The following FSTL5 variants were observed in gnomAD, a reference collection of about 807,000 sequenced individuals.
The protein encoded by FSTL5 is follistatin like 5.
FSTL5 carries 62 observed loss-of-function variants against 89.1 expected under a neutral mutation model. The ratio of observed to expected loss-of-function variants is 0.70; its 90% confidence interval spans 0.57 to 0.86. The LOEUF is 0.86. FSTL5 is among the 40% of genes least tolerant of loss of function. The probability of loss-of-function intolerance (pLI) is 0.00; values close to 1 mark genes in which losing one functional copy is unlikely to be tolerated. For synonymous variants in FSTL5, 383 were observed against 346.2 expected (o/e 1.11, Z -1.18); for missense variants, 1,057 against 1,001.6 (o/e 1.06, Z -0.75).
At chr4:161,956,358 T>C (rs1735026249) in intron 3 of FSTL5, among the ~76,000 whole-genome samples, 1 of 151,780 alleles carries the variant, frequency 6.6e-6, no homozygotes, top group African/African-American at 2.4e-5. Flanking sequence ...GTATGACACA[T>C]AAAATGGCTT....
At chr4:161,813,306 A>G (rs893463153) in intron 4 of FSTL5, among the ~76,000 whole-genome samples, 7 of 152,134 alleles carry the variant, frequency 4.6e-5, no homozygotes, top group South Asian at 2.1e-4. Context: ...TGGGATTACA[A>G]GTGTGAGCCA....
chr4:161,923,277 G>A (rs1734040952), intron 3 of FSTL5, among the ~76,000 whole-genome samples: 1 of 142,470 alleles, frequency 7.0e-6, no homozygotes, highest in African/African-American at 2.6e-5. Context: ...AATAAACTCT[G>A]TTAAATTTAA....
chr4:162,072,810 T>C (rs187812449), intron 2 of FSTL5, among the ~76,000 whole-genome samples: 2 of 151,918 alleles, frequency 1.3e-5, no homozygotes, highest in South Asian at 2.1e-4. Context: ...AATTGACATA[T>C]AAATCGGTAG....
intron 3 of FSTL5, among the ~76,000 whole-genome samples, chr4:161,926,209 C>G (rs1358938581): frequency 6.6e-6 from 1 of 151,774 alleles, no homozygotes; most frequent in Admixed American, 6.6e-5. Context: ...CCTGCTGCTA[C>G]TTTGCAGTCG....
intron 3 of FSTL5, among the ~76,000 whole-genome samples, chr4:161,952,553 A>C (rs1476189454): frequency 6.6e-6 from 1 of 151,984 alleles, no homozygotes; most frequent in Non-Finnish European, 1.5e-5. Context: ...AAAAAGTGTA[A>C]GAAATCATGT....
At chr4:161,417,444 C>T (rs549594267) in intron 15 of FSTL5, among the ~76,000 whole-genome samples, 1 of 152,272 alleles carries the variant, frequency 6.6e-6, no homozygotes, top group South Asian at 2.1e-4. Flanking sequence ...TATAGAGTTG[C>T]TATTTTATTT....
intron 3 of FSTL5, among the ~76,000 whole-genome samples, chr4:161,948,985 T>C (rs1734815833): frequency 1.3e-5 from 2 of 152,130 alleles, no homozygotes; most frequent in Non-Finnish European, 2.9e-5. Flanking sequence ...TTTACTCTCC[T>C]ACAGCTCTGG....
chr4:161,897,419 A>C (rs1485314357), intron 4 of FSTL5, among the ~76,000 whole-genome samples: 1 of 151,476 alleles, frequency 6.6e-6, no homozygotes, highest in Non-Finnish European at 1.5e-5. Flanking sequence ...TTGCTTGATA[A>C]AATTTAATTC....
Position 161,789,580 on chromosome 4 carries a change from T to G in FSTL5, c.410-13506A>C, listed in dbSNP as rs572533799. ...CCACAATTATTTTTTCCATATACAT[T>G]TGTGGCTTTTTGCCTTCTTTGAGCT... On this transcript the variant is annotated intron_variant, in intron 4 of 15. Coordinates refer to ENST00000306100, the MANE Select transcript of FSTL5 (RefSeq NM_020116.5). 1.6e-4 allele frequency among the ~76,000 whole-genome samples: 24 copies of G among 152,312 alleles called. 1 individual carries two copies. The South Asian group carries it at 5.0e-3, about 32-fold the overall frequency.
chr4:161,682,191 A>G (rs909987882), intron 6 of FSTL5, among the ~76,000 whole-genome samples: 8 of 152,186 alleles, frequency 5.3e-5, no homozygotes, highest in Non-Finnish European at 7.4e-5. Context: ...TGCCCAACAG[A>G]AAGTTGCTCT....
rs771369601 is a variant in FSTL5, at chr4:162,111,256, G to C, written c.126+15C>G. On this transcript the variant is annotated intron_variant, in intron 2 of 15. Coordinates refer to ENST00000306100, the MANE Select transcript of FSTL5 (RefSeq NM_020116.5). ...TTGGCAGGCACTATGAGCAGATTCA[G>C]AATATTGACTGTACCTTATGTCGCA... 22 of 1,589,882 alleles carry C rather than the reference G, an allele frequency of 1.4e-5. No individual in the cohort carries two copies. Among genetic ancestry groups the C allele is most frequent in the Non-Finnish European group, 1.8e-5 (21 of 1,164,016 alleles).
chr4:161,744,196 C>G (rs1368708384), intron 6 of FSTL5, among the ~76,000 whole-genome samples: 2 of 151,970 alleles, frequency 1.3e-5, no homozygotes, highest in East Asian at 3.9e-4. Context: ...GAGCACATCA[C>G]TATGACGACT....
At chr4:162,021,201 TAGGCA>T (rs1405800589) in intron 3 of FSTL5, among the ~76,000 whole-genome samples, 5 of 152,118 alleles carry the variant, frequency 3.3e-5, no homozygotes, top group African/African-American at 9.7e-5. Flanking sequence ...TGGCTACTAC[TAGGCA>T]ACTGCAAATA....
chr4:162,146,749 C>CT (rs1348526427), intron 1 of FSTL5, among the ~76,000 whole-genome samples: 4 of 111,986 alleles, frequency 3.6e-5, no homozygotes, highest in Admixed American at 3.4e-4. Flanking sequence ...CTTTCTTTCT[C>CT]CTTTCTCTCT....
intron 15 of FSTL5, among the ~76,000 whole-genome samples, chr4:161,409,748 G>C (rs1731523683): frequency 6.6e-6 from 1 of 152,056 alleles, no homozygotes; most frequent in Admixed American, 6.6e-5. Flanking sequence ...GGATTCAAAA[G>C]AACAAACCTG....
intron 1 of FSTL5, among the ~76,000 whole-genome samples, chr4:162,141,087 G>A (rs1056974942): frequency 1.4e-5 from 2 of 148,064 alleles, no homozygotes; most frequent in East Asian, 4.1e-4. Flanking sequence ...TAAGAGTGTG[G>A]CACCTCCCTC....
chr4:161,928,490 C>T (rs1734190976), intron 3 of FSTL5, among the ~76,000 whole-genome samples: 1 of 151,726 alleles, frequency 6.6e-6, no homozygotes, highest in African/African-American at 2.4e-5. Flanking sequence ...TAAAAAACTA[C>T]CAAACTGTCT....
rs1475524023 is a variant in FSTL5, at chr4:161,756,652, C to T, written c.727+2759G>A. 5.3e-5 allele frequency among the ~76,000 whole-genome samples: 8 copies of T among 152,116 alleles called. No homozygotes were observed. The South Asian group carries it at 8.3e-4, about 16-fold the overall frequency. ...AGCAACATCAAATTACATCCCAAAA[C>T]GCAGTACTATTTTTCCCCTTGACAG... On this transcript the variant is annotated intron_variant, in intron 6 of 15. Transcript: ENST00000306100.
intron 10 of FSTL5, among the ~76,000 whole-genome samples, chr4:161,532,680 C>T (rs1249321426): frequency 6.6e-6 from 1 of 152,066 alleles, no homozygotes; most frequent in East Asian, 1.9e-4. Flanking sequence ...TTAGAAATAT[C>T]TTTGCAGCAG....
Sources: allele counts gnomAD v4.1 joint callset (sites outside exome capture counted in the v4.1 genomes callset), GRCh38; gene constraint gnomAD v4.1.1; transcripts MANE v1.5; gene names NCBI Gene and HGNC (gene_info 2026-07-23, HGNC 2026-07-21).